The following TEX11 variants were observed in gnomAD, a reference collection of about 807,000 sequenced individuals.
TEX11 encodes the protein testis-expressed protein 11.
Under a neutral mutation model 84.4 loss-of-function variants are expected in TEX11, and 7 were observed. The ratio of observed to expected loss-of-function variants is 0.08; its 90% CI spans 0.05 to 0.16. The LOEUF is 0.16. Ranked by LOEUF, TEX11 falls within the 10% of genes least tolerant of loss-of-function variation. The pLI is 1.00. For synonymous variants in TEX11, 264 were observed against 222.8 expected (o/e 1.18, Z -1.64); for missense variants, 551 against 660.5 (o/e 0.83, Z 1.82).
intron 28 of TEX11, among the ~76,000 whole-genome samples, chrX:70,536,230 T>A (rs1001635020): frequency 1.8e-5 from 2 of 111,084 alleles, no homozygotes; most frequent in Non-Finnish European, 3.8e-5. Flanking sequence ...TACTGTAAGG[T>A]AGGCACTTTT....
At chrX:70,831,208 G>A (rs746656115) in intron 8 of TEX11, among the ~76,000 whole-genome samples, 1 of 111,862 alleles carries the variant, frequency 8.9e-6, no homozygotes, top group Admixed American at 9.6e-5. Context: ...TAAGCCAGCC[G>A]CAGAAAGACA....
chrX:70,654,005 G>T (rs929319723), intron 16 of TEX11, among the ~76,000 whole-genome samples: 1 of 111,803 alleles, frequency 8.9e-6, no homozygotes, highest in Non-Finnish European at 1.9e-5. Context: ...ACAGTAAAAA[G>T]ATCAGTGGTT....
intron 25 of TEX11, among the ~76,000 whole-genome samples, chrX:70,568,705 C>A (rs1261232779): frequency 2.7e-5 from 3 of 111,446 alleles, no homozygotes; most frequent in Admixed American, 9.6e-5. Context: ...ATTGAAAATT[C>A]TTTTCTTTAA....
chrX:70,636,752 A>G (rs949076379), intron 17 of TEX11, among the ~76,000 whole-genome samples: 22 of 112,168 alleles, frequency 2.0e-4, no homozygotes, highest in African/African-American at 6.8e-4. Context: ...CTCAGTGGAT[A>G]TAGGCTCCAG....
At chrX:70,766,477 G>T (rs1027721403) in intron 9 of TEX11, among the ~76,000 whole-genome samples, 1 of 109,859 alleles carries the variant, frequency 9.1e-6, no homozygotes, top group Admixed American at 9.7e-5. Flanking sequence ...AAATTAAAGA[G>T]GACACCAAAA....
rs5980992 is a variant in TEX11, at chrX:70,653,454, G to A, written c.1381-1902C>T. Among the ~76,000 whole-genome samples, 994 of 112,265 alleles carry A rather than the reference G, an allele frequency of 8.9e-3. 13 individuals are homozygous for A. The highest frequency in any genetic ancestry group is 0.03 in the African/African-American group (937 of 30,990). On this transcript the variant is annotated intron_variant, in intron 16 of 29. Coordinates refer to ENST00000374333, the MANE Select transcript of TEX11 (RefSeq NM_031276.3). Reference sequence around the variant, plus strand: ...TATGAAAAGATGCTTAACATCTTATGTCATTAGGGTTTTGCAAATTAAAAC... The same window carrying A: ...TATGAAAAGATGCTTAACATCTTATATCATTAGGGTTTTGCAAATTAAAAC...
intron 25 of TEX11, among the ~76,000 whole-genome samples, chrX:70,569,153 A>G (rs2088545238): frequency 9.0e-6 from 1 of 110,957 alleles, no homozygotes; most frequent in Non-Finnish European, 1.9e-5. Context: ...CATTTCATTC[A>G]TTTCATCTTC....
At chrX:70,714,667 A>C in intron 13 of TEX11, among the ~76,000 whole-genome samples, 1 of 110,844 alleles carries the variant, frequency 9.0e-6, no homozygotes, top group Non-Finnish European at 1.9e-5. Flanking sequence ...CTATCCCTTT[A>C]TTTTGAGCCT....
At chrX:70,655,218 T>A in intron 16 of TEX11, among the ~76,000 whole-genome samples, 1 of 111,281 alleles carries the variant, frequency 9.0e-6, no homozygotes, top group Non-Finnish European at 1.9e-5. Context: ...ACACAAAATA[T>A]GAGTTTTGAT....
the TEX11 span, among the ~76,000 whole-genome samples, chrX:70,523,549 T>C: frequency 1.8e-5 from 2 of 110,908 alleles, no homozygotes; most frequent in Admixed American, 9.6e-5. Context: ...CTGCAAGCTA[T>C]GCCTCCCGGG....
At chrX:70,613,401 C>A (rs1332079297) in intron 20 of TEX11, among the ~76,000 whole-genome samples, 1 of 111,510 alleles carries the variant, frequency 9.0e-6, no homozygotes, top group Non-Finnish European at 1.9e-5. Flanking sequence ...AGAGAGAGTG[C>A]AGAGATTATC....
At chrX:70,640,140 G>T (rs1287425165) in intron 17 of TEX11, among the ~76,000 whole-genome samples, 2 of 109,665 alleles carry the variant, frequency 1.8e-5, no homozygotes, top group Admixed American at 9.8e-5. Flanking sequence ...CTCAGGAGCC[G>T]ATGCGATCAA....
At chrX:70,647,815 G>T (rs190624103) in intron 17 of TEX11, among the ~76,000 whole-genome samples, 2 of 111,664 alleles carry the variant, frequency 1.8e-5, no homozygotes, top group Non-Finnish European at 3.8e-5. Flanking sequence ...ACTGTTGGTG[G>T]GACTGTAAAC....
intron 9 of TEX11, among the ~76,000 whole-genome samples, chrX:70,781,570 A>G (rs143148612): frequency 2.1e-4 from 24 of 111,751 alleles, no homozygotes; most frequent in Non-Finnish European, 4.3e-4. Flanking sequence ...AAATCTTGAA[A>G]AAAGGTTAGT....
chrX:70,779,398 G>A (rs1348651680), intron 9 of TEX11, among the ~76,000 whole-genome samples: 4 of 91,641 alleles, frequency 4.4e-5, no homozygotes, highest in Non-Finnish European at 8.3e-5. Flanking sequence ...CTTGGCAACA[G>A]AGTGAGACCC....
chrX:70,890,133 A>G (rs1234256791), intron 2 of TEX11, among the ~76,000 whole-genome samples: 1 of 111,805 alleles, frequency 8.9e-6, no homozygotes, highest in Non-Finnish European at 1.9e-5. Flanking sequence ...GAGTACCGAT[A>G]CTTATGTCAG....
At chrX:70,592,882 G>A (rs1003005832) in intron 24 of TEX11, among the ~76,000 whole-genome samples, 8 of 111,134 alleles carry the variant, frequency 7.2e-5, no homozygotes, top group Non-Finnish European at 1.1e-4. Context: ...TTTTGGTAGT[G>A]AGCAATTAAG....
intron 24 of TEX11, among the ~76,000 whole-genome samples, chrX:70,598,316 A>G (rs1368244047): frequency 5.3e-5 from 6 of 112,431 alleles, no homozygotes; most frequent in Non-Finnish European, 9.4e-5. Context: ...ACAATGAGGT[A>G]TCAATTTATA....
chrX:70,692,971 G>A (rs986979589), intron 13 of TEX11, among the ~76,000 whole-genome samples: 4 of 111,569 alleles, frequency 3.6e-5, no homozygotes, highest in Non-Finnish European at 7.5e-5. Context: ...CTGGCAGGGT[G>A]CAGTGGCACA....
Sources: allele counts gnomAD v4.1 joint callset (sites outside exome capture counted in the v4.1 genomes callset), GRCh38; gene constraint gnomAD v4.1.1; transcripts MANE v1.5; gene names NCBI Gene and HGNC (gene_info 2026-07-23, HGNC 2026-07-21).